MPPED2: variants seen among roughly 807,000 people sequenced by gnomAD.
MPPED2 encodes the protein metallophosphoesterase MPPED2.
A neutral mutation model predicts 33.0 loss-of-function variants in MPPED2; 5 were observed. The ratio of observed to expected loss-of-function variants is 0.15; its 90% confidence interval spans 0.08 to 0.32. The LOEUF is 0.32. MPPED2 is among the 10% of genes least tolerant of loss of function. The pLI is 1.00. For missense variants in MPPED2, 275 were observed against 372.1 expected, an observed-to-expected ratio of 0.74 and a Z score of 2.15; for synonymous variants, 136 against 141.9, an observed-to-expected ratio of 0.96 and a Z score of 0.29.
At chr11:30,574,877 C>G (rs1053551352) in intron 2 of MPPED2, among the ~76,000 whole-genome samples, 1 of 152,182 alleles carries the variant, frequency 6.6e-6, no homozygotes, top group Non-Finnish European at 1.5e-5. Context: ...TTATCCAACA[C>G]TCCCTCCTGC....
intron 4 of MPPED2, among the ~76,000 whole-genome samples, chr11:30,480,110 G>A (rs541565866): frequency 5.3e-5 from 8 of 152,198 alleles, no homozygotes; most frequent in African/African-American, 9.6e-5. Context: ...ACAAAACAGC[G>A]CCTAATGAAG....
chr11:30,399,686 A>G (rs559965823), intron 6 of MPPED2, among the ~76,000 whole-genome samples: 8 of 152,362 alleles, frequency 5.3e-5, no homozygotes, highest in African/African-American at 1.4e-4. Context: ...GTCTCAGTAA[A>G]TAAATTCATA....
At chr11:30,451,841 A>T (rs972248034) in intron 4 of MPPED2, 1 of 985,200 alleles carries the variant, frequency 1.0e-6, no homozygotes, top group East Asian at 1.1e-4. Flanking sequence ...TGCGGTGGGA[A>T]GTCAGCTGGA....
intron 4 of MPPED2, among the ~76,000 whole-genome samples, chr11:30,426,748 T>G (rs2092551391): frequency 6.6e-6 from 1 of 152,158 alleles, no homozygotes; most frequent in South Asian, 2.1e-4. Context: ...TCAGAGGAGC[T>G]TGGGGAACAT....
At chr11:30,449,024 T>A (rs1047565380) in intron 4 of MPPED2, among the ~76,000 whole-genome samples, 2 of 152,214 alleles carry the variant, frequency 1.3e-5, no homozygotes, top group African/African-American at 2.4e-5. Flanking sequence ...TAACTCTGGA[T>A]TATTTTGTTT....
At chr11:30,443,199 A>G (rs987251358) in intron 4 of MPPED2, among the ~76,000 whole-genome samples, 1 of 152,166 alleles carries the variant, frequency 6.6e-6, no homozygotes, top group African/African-American at 2.4e-5. Flanking sequence ...TAAATAAATA[A>G]AGCATTTATG....
intron 2 of MPPED2, among the ~76,000 whole-genome samples, chr11:30,551,937 TTG>T (rs1356060421): frequency 1.4e-5 from 2 of 144,568 alleles, no homozygotes; most frequent in African/African-American, 5.9e-5. Flanking sequence ...AATTGTTTTG[TTG>T]TTTTTCTGCC....
At chr11:30,440,232 G>A (rs767300097) in intron 4 of MPPED2, among the ~76,000 whole-genome samples, 14 of 151,916 alleles carry the variant, frequency 9.2e-5, no homozygotes, top group Non-Finnish European at 8.8e-5. Context: ...CAGGAGGCTC[G>A]GGCAGGAGAA....
chr11:30,527,182 G>A (rs1284528906), intron 3 of MPPED2, among the ~76,000 whole-genome samples: 1 of 151,766 alleles, frequency 6.6e-6, no homozygotes, highest in Admixed American at 6.6e-5. Flanking sequence ...CGCCCGTCTC[G>A]GCCTCCCAAA....
At chr11:30,536,226 G>C in intron 2 of MPPED2, 51 bp from the exon 3 acceptor site, 3 of 1,419,884 alleles carry the variant, frequency 2.1e-6, no homozygotes, top group Non-Finnish European at 2.8e-6. Flanking sequence ...TAGAACCCTT[G>C]AAATTGTCGT....
At chr11:30,585,987 C>A (rs1419796673) in intron 1 of MPPED2, 55 bp downstream of exon 1, 1 of 152,412 alleles carries the variant, frequency 6.6e-6, no homozygotes, top group Non-Finnish European at 1.5e-5. Flanking sequence ...CACCGGGCTC[C>A]CGGCCGCCTC....
chr11:30,475,688 T>C (rs1036298303), intron 4 of MPPED2, among the ~76,000 whole-genome samples: 12 of 152,182 alleles, frequency 7.9e-5, no homozygotes, highest in African/African-American at 2.7e-4. Flanking sequence ...CTGGTGTTGG[T>C]TATTGTGAAT....
At chr11:30,580,618 C>G in intron 1 of MPPED2, 124 bp from the exon 2 acceptor site, 1 of 938,986 alleles carries the variant, frequency 1.1e-6, no homozygotes, top group Non-Finnish European at 1.5e-6. Flanking sequence ...GTTGTTGGCT[C>G]ATGGATACAA....
downstream of MPPED2, chr11:30,384,468 TTTTTTC>T: frequency 6.9e-6 from 1 of 145,466 alleles, no homozygotes; most frequent in Non-Finnish European, 1.5e-5. Flanking sequence ...TTCTTTTTTC[TTTTTTC>T]TTTTTTTTTT....
At chr11:30,412,738 G>C (rs1006595974) in intron 6 of MPPED2, among the ~76,000 whole-genome samples, 1 of 152,202 alleles carries the variant, frequency 6.6e-6, no homozygotes, top group Non-Finnish European at 1.5e-5. Flanking sequence ...GAATAAAAGT[G>C]AGACAAGTTT....
chr11:30,524,380 G>A (rs1417931855), intron 3 of MPPED2, among the ~76,000 whole-genome samples: 1 of 152,158 alleles, frequency 6.6e-6, no homozygotes, highest in African/African-American at 2.4e-5. Context: ...GGACAGATAG[G>A]TTGGACCAGT....
intron 2 of MPPED2, among the ~76,000 whole-genome samples, chr11:30,571,616 A>G (rs761391581): frequency 6.6e-6 from 1 of 152,198 alleles, no homozygotes; most frequent in Non-Finnish European, 1.5e-5. Flanking sequence ...CCAGTAAGCT[A>G]TGAAAGTCTA....
chr11:30,450,419 TATCTC>T (rs1950006611), intron 4 of MPPED2, among the ~76,000 whole-genome samples: 1 of 152,228 alleles, frequency 6.6e-6, no homozygotes, highest in Non-Finnish European at 1.5e-5. Flanking sequence ...TTGTATATAT[TATCTC>T]ATTGATTCTC....
intron 4 of MPPED2, chr11:30,425,487 C>T (rs1447579884): frequency 2.0e-5 from 3 of 152,150 alleles, no homozygotes; most frequent in Non-Finnish European, 4.4e-5. Flanking sequence ...AAGTTCATAG[C>T]AGGAAGGGGA....
Sources: allele counts gnomAD v4.1 joint callset (sites outside exome capture counted in the v4.1 genomes callset), GRCh38; gene constraint gnomAD v4.1.1; transcripts MANE v1.5; gene names NCBI Gene and HGNC (gene_info 2026-07-23, HGNC 2026-07-21).